The following WDR27 variants were observed in gnomAD, a reference collection of about 807,000 sequenced individuals.
WDR27 encodes WD repeat domain 27.
In WDR27, 100 loss-of-function variants were observed where a neutral mutation model predicts 114.4. That is an observed-to-expected ratio of 0.87 (90% CI 0.74 to 1.03). The LOEUF (loss-of-function observed/expected upper bound fraction) is 1.03, where lower values mean the gene tolerates loss of function less well. Ranked by LOEUF, WDR27 falls within the 50% of genes least tolerant of loss-of-function variation. The pLI is 0.00. For synonymous variants in WDR27, 449 were observed against 423.1 expected (o/e 1.06, Z -0.75); for missense variants, 1,129 against 1,092.9 (o/e 1.03, Z -0.47).
At chr6:169,508,303 TGGC>T (rs1393000231) in intron 25 of WDR27, among the ~76,000 whole-genome samples, 1 of 152,226 alleles carries the variant, frequency 6.6e-6, no homozygotes, top group Non-Finnish European at 1.5e-5. Context: ...ACTTTCTGAA[TGGC>T]TTGTTAGCCA....
At chr6:169,512,821 T>C (rs1186979526) in intron 25 of WDR27, among the ~76,000 whole-genome samples, 1 of 152,186 alleles carries the variant, frequency 6.6e-6, no homozygotes, top group East Asian at 1.9e-4. Flanking sequence ...AGTTCATGGC[T>C]AGTAGTTCTG....
At chr6:169,667,223 C>A in intron 5 of WDR27, 36 bp from the exon 6 acceptor site, 1 of 1,459,294 alleles carries the variant, frequency 6.9e-7, no homozygotes, top group South Asian at 1.6e-5. Context: ...GAAGAGGTAA[C>A]AACGTTGCCA....
chr6:169,690,434 A>C (rs549115929), intron 1 of WDR27, among the ~76,000 whole-genome samples: 50 of 152,284 alleles, frequency 3.3e-4, no homozygotes, highest in African/African-American at 1.2e-3. Flanking sequence ...TTACTGCCTC[A>C]GCACGCACAC....
At chr6:169,573,082 T>C (rs1346762527) in intron 24 of WDR27, among the ~76,000 whole-genome samples, 2 of 152,008 alleles carry the variant, frequency 1.3e-5, no homozygotes, top group Non-Finnish European at 2.9e-5. Context: ...TCCCAGGAGG[T>C]TGTGTTGCAG....
At chr6:169,588,668 G>A (rs1028305909) in intron 23 of WDR27, among the ~76,000 whole-genome samples, 2 of 152,226 alleles carry the variant, frequency 1.3e-5, no homozygotes, top group Admixed American at 6.5e-5. Flanking sequence ...AGTTGCTGCT[G>A]TAAGGGGTGG....
chr6:169,656,170 T>C (rs1350295562), intron 13 of WDR27, among the ~76,000 whole-genome samples: 2 of 150,542 alleles, frequency 1.3e-5, no homozygotes, highest in Non-Finnish European at 3.0e-5. Flanking sequence ...GGTTTGTGAC[T>C]ATGCAAAAAA....
chr6:169,595,572 C>A (rs1362642525), intron 23 of WDR27, among the ~76,000 whole-genome samples: 1 of 152,178 alleles, frequency 6.6e-6, no homozygotes, highest in Non-Finnish European at 1.5e-5. Flanking sequence ...ATTCAATTAA[C>A]ATCTACAAGG....
intron 2 of WDR27, among the ~76,000 whole-genome samples, chr6:169,678,923 A>G (rs1293894427): frequency 2.6e-5 from 4 of 152,106 alleles, no homozygotes; most frequent in African/African-American, 9.7e-5. Flanking sequence ...CACCCTTTTT[A>G]AGTCCAAAAA....
At chr6:169,464,611 T>C (rs1018435468) in intron 25 of WDR27, among the ~76,000 whole-genome samples, 2 of 152,196 alleles carry the variant, frequency 1.3e-5, no homozygotes, top group South Asian at 2.1e-4. Context: ...AGAAAATATT[T>C]GCAAATCATC....
chr6:169,491,328 A>G (rs540678711), intron 25 of WDR27, among the ~76,000 whole-genome samples: 455 of 152,278 alleles, frequency 3.0e-3, no homozygotes, highest in Non-Finnish European at 4.3e-3. Flanking sequence ...AGTAGGGTGT[A>G]GGGTGGGGTT....
chr6:169,688,709 T>C (rs1276891706), intron 2 of WDR27, 108 bp downstream of exon 2: 4 of 642,800 alleles, frequency 6.2e-6, no homozygotes, highest in East Asian at 3.1e-5. Context: ...TTTTCTCCTA[T>C]AGTTGGTAGC....
chr6:169,457,451 C>A lies in WDR27; in HGVS notation c.*141G>T, dbSNP rs936282873. ...CACACAGAGGGGAGGAGCTTGCAAACGGGGGAAATCTGAGGCAAGTCTCAA... is the reference window on the plus strand; with the variant it reads ...CACACAGAGGGGAGGAGCTTGCAAAAGGGGGAAATCTGAGGCAAGTCTCAA... On this transcript the variant is annotated 3_prime_UTR_variant, in exon 26 of 26. Coordinates refer to ENST00000448612, the MANE Select transcript of WDR27 (RefSeq NM_182552.5). 1.4e-5 allele frequency: 9 copies of A among 647,994 alleles called. No homozygotes were observed. Among genetic ancestry groups the A allele is most frequent in the Non-Finnish European group, 2.3e-5 (9 of 389,764 alleles). The allele number at this position is 647,994 out of a possible 1,614,324, so 40.1% of individuals were successfully genotyped here.
At position 169,659,279 on chromosome 6, in the gene WDR27, C is replaced by T. The variant is rs922980925; in HGVS notation, c.1198-72G>A. ...AGCAGACGAAACGTGCATCCGCACA[C>T]GTATCCTAACAGCTGCTTCATTCTC... On this transcript the variant is annotated intron_variant, in intron 11 of 25. Coordinates refer to ENST00000448612, the MANE Select transcript of WDR27 (RefSeq NM_182552.5). This position sits in a 1 kb window ranked among gnomAD's most constrained non-coding sequence, Gnocchi z 4.3. 1.3e-5 allele frequency: 20 copies of T among 1,556,778 alleles called. No individual in the cohort carries two copies. The highest frequency in any genetic ancestry group is 2.3e-5 in the East Asian group (1 of 44,312).
intron 25 of WDR27, among the ~76,000 whole-genome samples, chr6:169,503,019 G>C (rs1378639942): frequency 6.6e-6 from 1 of 152,146 alleles, no homozygotes; most frequent in Non-Finnish European, 1.5e-5. Flanking sequence ...AAGATGAGGT[G>C]ACCATCACAT....
chr6:169,512,139 A>G lies in WDR27; in HGVS notation c.2646-54505T>C, dbSNP rs116271972. Among the ~76,000 whole-genome samples the G allele has an allele frequency of 4.3e-3, 660 of 152,268 alleles. 3 individuals are homozygous for G. The highest frequency in any genetic ancestry group is 0.015 in the African/African-American group (637 of 41,566). ...AAGAGAAGTCAAACTGACAAAATAT[A>G]TTTTTTAGATTGCCCTACAAATTGT... On this transcript the variant is annotated intron_variant, in intron 25 of 25. Transcript: ENST00000448612.
Position 169,668,031 on chromosome 6 carries a change from G to A in WDR27, c.611C>T (p.Pro204Leu). Residue 204 changes from proline to leucine, a missense_variant, in exon 5 of 26, where the codon CCC becomes CTC. Physicochemically the swap from Pro to Leu is moderately conservative, Grantham distance 98. Coordinates refer to ENST00000448612, the MANE Select transcript of WDR27 (RefSeq NM_182552.5). ...CGAGATGAGGGTGCCTGCTCGCCAG[G>A]GACAGAACTCCACCGCAGTCACCGG... ...LGPVTAVEFC[P>L]WRAGTLISAS... 9.3e-6 allele frequency: 15 copies of A among 1,614,002 alleles called. No homozygotes were observed. Among genetic ancestry groups the A allele is most frequent in the Non-Finnish European group, 1.2e-5 (14 of 1,179,898 alleles).
intron 25 of WDR27, among the ~76,000 whole-genome samples, chr6:169,462,087 A>G (rs1369438303): frequency 1.3e-5 from 2 of 152,122 alleles, no homozygotes; most frequent in African/African-American, 4.8e-5. Context: ...ACTGAATCAC[A>G]AAATTTGAAT....
At chr6:169,664,025 G>C (rs1827093819) in intron 8 of WDR27, 141 bp downstream of exon 8, 1 of 787,662 alleles carries the variant, frequency 1.3e-6, no homozygotes, top group Non-Finnish European at 1.9e-6. Context: ...CAGGGCCTCA[G>C]TGGTTTTCTG....
intron 1 of WDR27, among the ~76,000 whole-genome samples, chr6:169,694,267 C>T (rs570085597): frequency 6.6e-6 from 1 of 152,088 alleles, no homozygotes; most frequent in African/African-American, 2.4e-5. Flanking sequence ...GCCGAGATTG[C>T]GCTGTTGCAT....
Sources: gnomAD v4.1 joint callset for allele counts (sites outside exome capture counted in the v4.1 genomes callset) on GRCh38, gnomAD v4.1.1 for gene constraint, Gnocchi (gnomAD v3.1) non-coding constraint, MANE v1.5 for transcripts, NCBI Gene and HGNC (gene_info 2026-07-23, HGNC 2026-07-21) for gene names.